Variants in CSMD1 observed in about 807,000 individuals in gnomAD.
CSMD1 encodes CUB and sushi domain-containing protein 1.
A neutral mutation model predicts 417.5 loss-of-function variants in CSMD1; 213 were observed. The observed-to-expected ratio is 0.51, with a 90% CI of 0.46 to 0.57. The LOEUF is 0.57. Ranked by LOEUF, CSMD1 falls within the 20% of genes least tolerant of loss-of-function variation. The pLI is 0.00. For missense variants in CSMD1, 6,923 were observed against 4,529.7 expected (o/e 1.53, Z -15.17); for synonymous variants, 2,862 against 1,736.8 (o/e 1.65, Z -16.11).
chr8:3,703,624 G>T (rs768548395), intron 7 of CSMD1, among the ~76,000 whole-genome samples: 2 of 152,156 alleles, frequency 1.3e-5, no homozygotes, highest in Non-Finnish European at 2.9e-5. Context: ...GGTAGGTCTG[G>T]TAGAAAAATT....
At chr8:4,666,038 T>C (rs1178153570) in intron 1 of CSMD1, among the ~76,000 whole-genome samples, 3 of 152,178 alleles carry the variant, frequency 2.0e-5, no homozygotes, top group African/African-American at 7.2e-5. Flanking sequence ...TTTTTGTTTT[T>C]GCTTTAAGCC....
At chr8:4,979,987 A>C (rs1467398171) in intron 1 of CSMD1, among the ~76,000 whole-genome samples, 1 of 152,178 alleles carries the variant, frequency 6.6e-6, no homozygotes, top group Non-Finnish European at 1.5e-5. Flanking sequence ...GCAGTGAGCC[A>C]AGATAGTGCA....
At chr8:4,602,536 T>G (rs772169546) in intron 2 of CSMD1, among the ~76,000 whole-genome samples, 1 of 152,182 alleles carries the variant, frequency 6.6e-6, no homozygotes, top group African/African-American at 2.4e-5. Context: ...TAGGAACATA[T>G]TGGTCATTAT....
chr8:4,972,649 G>C (rs995466390), intron 1 of CSMD1, among the ~76,000 whole-genome samples: 2 of 151,962 alleles, frequency 1.3e-5, no homozygotes, highest in African/African-American at 4.8e-5. Context: ...CAGACACTAA[G>C]CAATATTCAA....
intron 2 of CSMD1, among the ~76,000 whole-genome samples, chr8:4,616,084 A>C (rs545759798): frequency 6.6e-6 from 1 of 152,346 alleles, no homozygotes; most frequent in South Asian, 2.1e-4. Context: ...TCATAGTGCA[A>C]CTTGCCTAAG....
intron 1 of CSMD1, among the ~76,000 whole-genome samples, chr8:4,840,453 A>G (rs1233183473): frequency 6.6e-6 from 1 of 152,220 alleles, no homozygotes; most frequent in Non-Finnish European, 1.5e-5. Context: ...AGTTCTGAAA[A>G]CATACGATAT....
At chr8:3,919,589 C>T (rs147865780) in intron 5 of CSMD1, among the ~76,000 whole-genome samples, 3 of 152,028 alleles carry the variant, frequency 2.0e-5, no homozygotes, top group African/African-American at 4.8e-5. Context: ...CTGTGTTATT[C>T]TTGCTCAAGA....
intron 1 of CSMD1, among the ~76,000 whole-genome samples, chr8:4,899,116 A>C (rs1804694847): frequency 3.9e-5 from 6 of 152,262 alleles, no homozygotes; most frequent in Admixed American, 3.9e-4. Context: ...TGAAATGGTA[A>C]TTTGGTTATA....
intron 1 of CSMD1, among the ~76,000 whole-genome samples, chr8:4,963,207 T>G (rs1280864672): frequency 6.6e-6 from 1 of 152,168 alleles, no homozygotes; most frequent in African/African-American, 2.4e-5. Flanking sequence ...TATTTACTTA[T>G]TTATTTTATT....
At chr8:4,519,742 CAAAAAAAAAAAAAAAAAAAAAAAAAA>C (rs57747377) in intron 2 of CSMD1, among the ~76,000 whole-genome samples, 1 of 80,392 alleles carries the variant, frequency 1.2e-5, no homozygotes, top group Non-Finnish European at 2.3e-5. Flanking sequence ...GACTTCATCT[CAAAAAAAAAAAAAAAAAAAAAAAAAA>C]AAAAAAAAAA....
intron 53 of CSMD1, among the ~76,000 whole-genome samples, chr8:2,998,708 G>A (rs777290022): frequency 6.6e-6 from 1 of 152,118 alleles, no homozygotes; most frequent in Non-Finnish European, 1.5e-5. Flanking sequence ...TATTTTTGTT[G>A]AGAATCTCTG....
chr8:4,478,329 T>A (rs1041995715), intron 2 of CSMD1, among the ~76,000 whole-genome samples: 1 of 152,348 alleles, frequency 6.6e-6, no homozygotes, highest in African/African-American at 2.4e-5. Context: ...TGTGACAGTT[T>A]AATTTATTTT....
At chr8:4,615,849 T>C (rs976471907) in intron 2 of CSMD1, among the ~76,000 whole-genome samples, 2 of 152,188 alleles carry the variant, frequency 1.3e-5, no homozygotes, top group African/African-American at 2.4e-5. Flanking sequence ...TTCTGATATA[T>C]TATTCTTTCA....
chr8:4,072,133 C>T (rs541551419), intron 3 of CSMD1, among the ~76,000 whole-genome samples: 4 of 152,302 alleles, frequency 2.6e-5, no homozygotes, highest in East Asian at 3.9e-4. Flanking sequence ...TCAACTCCTT[C>T]GGAATCTGCC....
chr8:4,233,711 C>T (rs917700830), intron 3 of CSMD1, among the ~76,000 whole-genome samples: 3 of 152,080 alleles, frequency 2.0e-5, no homozygotes, highest in African/African-American at 7.2e-5. Flanking sequence ...ACAGCAGCCC[C>T]AACAGACTAA....
intron 1 of CSMD1, among the ~76,000 whole-genome samples, chr8:4,697,120 C>A (rs770321770): frequency 6.6e-6 from 1 of 151,876 alleles, no homozygotes; most frequent in African/African-American, 2.4e-5. Flanking sequence ...TGCAGTGAGC[C>A]GAGATCGCGC....
At chr8:4,838,080 G>C (rs973205856) in intron 1 of CSMD1, among the ~76,000 whole-genome samples, 1 of 152,074 alleles carries the variant, frequency 6.6e-6, no homozygotes, top group Admixed American at 6.6e-5. Context: ...TAGTGGATTT[G>C]CCGGTAATAA....
intron 54 of CSMD1, among the ~76,000 whole-genome samples, chr8:2,995,264 G>A (rs1364961793): frequency 6.6e-6 from 1 of 152,180 alleles, no homozygotes; most frequent in Non-Finnish European, 1.5e-5. Context: ...TTTCACTGAA[G>A]AGTACAGATG....
At chr8:3,679,496 A>G (rs902147660) in intron 7 of CSMD1, among the ~76,000 whole-genome samples, 2 of 152,218 alleles carry the variant, frequency 1.3e-5, no homozygotes. Context: ...TATCCTAAAT[A>G]TATATTCACC....
Sources: allele counts gnomAD v4.1 joint callset (sites outside exome capture counted in the v4.1 genomes callset), GRCh38; gene constraint gnomAD v4.1.1; transcripts MANE v1.5; gene names NCBI Gene and HGNC (gene_info 2026-07-23, HGNC 2026-07-21).